TNFRSF10A: variants seen among roughly 807,000 people sequenced by gnomAD.
TNFRSF10A encodes the protein TNF receptor superfamily member 10a, also known as tumor necrosis factor receptor superfamily member 10A.
Under a neutral mutation model 42.8 loss-of-function variants are expected in TNFRSF10A, and 44 were observed. The ratio of observed to expected loss-of-function variants is 1.03; its 90% CI spans 0.81 to 1.32. The LOEUF is 1.32. TNFRSF10A is among the 40% of genes most tolerant of loss of function. The probability of loss-of-function intolerance (pLI) is 0.00; values close to 1 mark genes in which losing one functional copy is unlikely to be tolerated. For missense variants in TNFRSF10A, 680 were observed against 602.0 expected (o/e 1.13, Z -1.36); for synonymous variants, 259 against 234.2 (o/e 1.11, Z -0.97).
Position 23,200,501 on chromosome 8 carries a change from C to A in TNFRSF10A, c.799+4G>T, listed in dbSNP as rs1485406993. ...CAGAGCCCTTGCCCTCAGCCAGCAC[C>A]TACCTGAGCCGATGCAACAACAGAC... On this transcript the variant is annotated splice_donor_region_variant and intron_variant, in intron 6 of 9. Transcript: ENST00000221132. 6.2e-7 allele frequency: 1 copy of A among 1,614,156 alleles called. No individual in the cohort carries two copies. The highest frequency in any genetic ancestry group is 8.5e-7 in the Non-Finnish European group (1 of 1,180,000).
rs183629669 is a variant in TNFRSF10A, at chr8:23,220,603, G to A, written c.306+4153C>T. Among the ~76,000 whole-genome samples the A allele has an allele frequency of 2.2e-4, 34 of 152,324 alleles. No homozygotes were observed. In the East Asian group the frequency reaches 6.4e-3, roughly 29 times the overall value. ...GCAGATGTGTGCTGCCGTGTAGGAG[G>A]ACAAATCACATGCTCAGGGCTGGTG... is the stretch of plus-strand genomic sequence containing the variant. On this transcript the variant is annotated intron_variant, in intron 1 of 9. Transcript: ENST00000221132.
At position 23,199,422 on chromosome 8, in the gene TNFRSF10A, T is replaced by G. The variant is rs777348587; in HGVS notation, c.858A>C (p.Leu286=). 6.2e-7 allele frequency: 1 copy of G among 1,612,634 alleles called. No homozygotes were observed. The highest frequency in any genetic ancestry group is 1.7e-5 in the Admixed American group (1 of 59,978). Residue 286 remains leucine, a synonymous_variant, in exon 8 of 10, where the codon CTA becomes CTC. Transcript: ENST00000221132. The part of the protein sequence containing the change: ...DRVCFWRLGL[L]RGPGAEDNAH... The stretch of plus-strand genomic sequence containing the variant: ...CATTGTCCTCAGCCCCAGGCCCTCG[T>G]AGGAGACCCAAGCGCCAGAAACACA...
At chr8:23,224,008 G>C (rs1000933589) in intron 1 of TNFRSF10A, among the ~76,000 whole-genome samples, 3 of 152,200 alleles carry the variant, frequency 2.0e-5, no homozygotes, top group Non-Finnish European at 4.4e-5. Flanking sequence ...GCCGGGCTGC[G>C]TGTTTAACCA....
chr8:23,215,922 G>A (rs181432233), intron 1 of TNFRSF10A, among the ~76,000 whole-genome samples: 83 of 151,814 alleles, frequency 5.5e-4, no homozygotes, highest in Non-Finnish European at 8.8e-4. Context: ...GGGTTCAAGC[G>A]ATTCTCCTGC....
Position 23,201,857 on chromosome 8 carries a change from T to C in TNFRSF10A, c.580A>G (p.Thr194Ala), listed in dbSNP as rs1179886430. ...TCAGCAGAATTGTCATTCCGGAAAGTTCCTGGTTTGCACTGACATGCTGTG... is the reference window on the plus strand; with the variant it reads ...TCAGCAGAATTGTCATTCCGGAAAGCTCCTGGTTTGCACTGACATGCTGTG... Reference protein sequence around the residue: ...RNTACQCKPGTFRNDNSAEMC... With the variant: ...RNTACQCKPGAFRNDNSAEMC... Residue 194 changes from threonine to alanine, a missense_variant, in exon 4 of 10, where the codon ACT (threonine) becomes GCT (alanine). Coordinates refer to ENST00000221132, the MANE Select transcript of TNFRSF10A (RefSeq NM_003844.4). The C allele has an allele frequency of 2.5e-6, 4 of 1,614,198 alleles. No individual in the cohort carries two copies. The highest frequency in any genetic ancestry group is 2.2e-5 in the South Asian group (2 of 91,076).
intron 1 of TNFRSF10A, 70 bp downstream of exon 1, chr8:23,224,686 C>T (rs1585291067): frequency 6.7e-7 from 1 of 1,483,040 alleles, no homozygotes; most frequent in Admixed American, 2.3e-5. Flanking sequence ...CCGCCGCGTC[C>T]CCCTCTCTCT....
intron 1 of TNFRSF10A, 83 bp downstream of exon 1, chr8:23,224,673 C>G: frequency 2.0e-6 from 3 of 1,469,118 alleles, no homozygotes; most frequent in Non-Finnish European, 2.7e-6. Context: ...GGGCCAGGCA[C>G]CCCCGCCGCG....
intron 2 of TNFRSF10A, among the ~76,000 whole-genome samples, chr8:23,205,694 G>C (rs1315156840): frequency 2.7e-5 from 4 of 149,080 alleles, no homozygotes; most frequent in African/African-American, 9.8e-5. Context: ...TGTAGACCTA[G>C]GTTAATGTCT....
chr8:23,202,631 G>A lies in TNFRSF10A; in HGVS notation c.517+17C>T. On this transcript the variant is annotated intron_variant, in intron 3 of 9. Coordinates refer to ENST00000221132, the MANE Select transcript of TNFRSF10A (RefSeq NM_003844.4). ...CCCTCACTCCACCTCTGGACAAGAG[G>A]TCCACACATTCTGTACCTGATTTAC... The A allele has an allele frequency of 1.2e-6, 2 of 1,602,458 alleles. No homozygotes were observed. Among genetic ancestry groups the A allele is most frequent in the South Asian group, 1.1e-5 (1 of 90,822 alleles).
chr8:23,196,334 C>A (rs1476005901), intron 9 of TNFRSF10A, among the ~76,000 whole-genome samples: 4 of 152,162 alleles, frequency 2.6e-5, no homozygotes, highest in Admixed American at 1.3e-4. Context: ...GCTGGGACTA[C>A]AGGCGCCCGC....
chr8:23,199,986 T>G, intron 6 of TNFRSF10A, 69 bp from the exon 7 acceptor site: 1 of 1,598,114 alleles, frequency 6.3e-7, no homozygotes, highest in Non-Finnish European at 8.6e-7. Context: ...TAGAGGGCAG[T>G]GTTGGGCAGG....
At chr8:23,206,574 C>T (rs1033390990) in intron 2 of TNFRSF10A, among the ~76,000 whole-genome samples, 1 of 152,182 alleles carries the variant, frequency 6.6e-6, no homozygotes, top group Non-Finnish European at 1.5e-5. Flanking sequence ...ATGCAGTAGG[C>T]TATATCATCT....
chr8:23,206,912 C>A, intron 2 of TNFRSF10A: 1 of 272,718 alleles, frequency 3.7e-6, no homozygotes, highest in South Asian at 4.9e-5. Flanking sequence ...AAGTCGTTTT[C>A]ACAAGATGGC....
chr8:23,197,057 G>T, intron 9 of TNFRSF10A, 75 bp downstream of exon 9: 2 of 1,594,038 alleles, frequency 1.3e-6, no homozygotes, highest in Non-Finnish European at 1.7e-6. Context: ...AGCACTCTCA[G>T]CAATGGGGAC....
At chr8:23,222,159 T>G (rs1004741066) in intron 1 of TNFRSF10A, among the ~76,000 whole-genome samples, 4 of 152,116 alleles carry the variant, frequency 2.6e-5, no homozygotes, top group East Asian at 1.9e-4. Context: ...TTACAGGCGT[T>G]AGCCACCGCA....
At chr8:23,197,328 G>T in intron 8 of TNFRSF10A, 124 bp from the exon 9 acceptor site, 1 of 1,169,010 alleles carries the variant, frequency 8.6e-7, no homozygotes, top group Non-Finnish European at 1.3e-6. Context: ...TCACCATGGA[G>T]ATGGTGAAAA....
At chr8:23,207,095 G>A (rs1435010254) in intron 2 of TNFRSF10A, 5 of 547,190 alleles carry the variant, frequency 9.1e-6, no homozygotes. Context: ...GCACCCCCAG[G>A]AGAAACAAGC....
intron 9 of TNFRSF10A, among the ~76,000 whole-genome samples, chr8:23,192,368 C>T (rs1414485833): frequency 6.6e-6 from 1 of 152,200 alleles, no homozygotes; most frequent in African/African-American, 2.4e-5. Flanking sequence ...TCAGAGGATG[C>T]GGGCTGCCTG....
At position 23,214,485 on chromosome 8, in the gene TNFRSF10A, C is replaced by CAA. The variant is rs11411650; in HGVS notation, c.307-2275_307-2274dup. Among the ~76,000 whole-genome samples, 141 of 139,706 alleles carry CAA rather than the reference C, an allele frequency of 1.0e-3. 1 individual carries two copies. Among genetic ancestry groups the CAA allele is most frequent in the East Asian group, 2.8e-3 (14 of 5,008 alleles). 91.7% of individuals were successfully genotyped at this position (139,706 alleles called of 152,430 possible). A position where few individuals can be genotyped will look rare whatever the true frequency, so the allele number is the denominator to read the frequency against. ...CCTGGACGACAGAGCCAGACTGTCT[C>CAA]AAAAAAAAAAAACAGCAAAAAAGTG... On this transcript the variant is annotated intron_variant, in intron 1 of 9. Transcript: ENST00000221132.
Sources: gnomAD v4.1 joint callset for allele counts (sites outside exome capture counted in the v4.1 genomes callset) on GRCh38, gnomAD v4.1.1 for gene constraint, MANE v1.5 for transcripts, NCBI Gene and HGNC (gene_info 2026-07-23, HGNC 2026-07-21) for gene names.